Variants in DDX21 observed in about 807,000 individuals in gnomAD.
DDX21 encodes the protein nucleolar RNA helicase 2.
In DDX21, 18 loss-of-function variants were observed where a neutral mutation model predicts 90.0. That is an observed-to-expected ratio of 0.20 (90% confidence interval 0.14 to 0.30). DDX21 has a LOEUF of 0.30. Ranked by LOEUF, DDX21 falls within the 10% of genes least tolerant of loss-of-function variation. The pLI is 1.00. For synonymous variants in DDX21, 294 were observed against 318.0 expected (o/e 0.92, Z 0.80); for missense variants, 673 against 944.5 (o/e 0.71, Z 3.77).
intron 13 of DDX21, among the ~76,000 whole-genome samples, chr10:68,980,675 C>T (rs1170801336): frequency 2.0e-5 from 3 of 152,096 alleles, no homozygotes; most frequent in South Asian, 2.1e-4. Flanking sequence ...TATTTTTAGA[C>T]GATTTCCTTG....
intron 1 of DDX21, chr10:68,956,632 A>G (rs2132076069): frequency 8.4e-7 from 1 of 1,192,184 alleles, no homozygotes; most frequent in Middle Eastern, 3.6e-4. Context: ...GTCCCCGGCG[A>G]CTTGGGCGCG....
At position 68,982,728 on chromosome 10, in the gene DDX21, A is replaced by T. The variant is rs1843210532; in HGVS notation, c.2268A>T (p.Gly756=). Residue 756 remains glycine (G), a synonymous_variant, in exon 15 of 15, where the codon GGA becomes GGT. Transcript: ENST00000354185. ...GGGAAGGCAGTAGAGGCCCGAGAGG[A>T]CAGCGATCAGGAGGTGGCAACAAAA... ...GQREGSRGPR[G]QRSGGGNKSN... The T allele has an allele frequency of 6.2e-7, 1 of 1,614,082 alleles. No homozygotes were observed. The highest frequency in any genetic ancestry group is 8.5e-7 in the Non-Finnish European group (1 of 1,180,038).
Position 68,978,823 on chromosome 10 carries a change from T to C in DDX21, c.1903-19T>C. On this transcript the variant is annotated intron_variant, in intron 12 of 14. Coordinates refer to ENST00000354185, the MANE Select transcript of DDX21 (RefSeq NM_004728.4). ...TATTTTCAGCACTTTAATTTTATTC[T>C]CCTTTCTTGTGTTGTAAGGGTTTTG... The C allele has an allele frequency of 6.3e-7, 1 of 1,592,534 alleles. No homozygotes were observed. Among genetic ancestry groups the C allele is most frequent in the Non-Finnish European group, 8.6e-7 (1 of 1,167,340 alleles).
intron 1 of DDX21, among the ~76,000 whole-genome samples, chr10:68,957,250 T>C (rs957327885): frequency 2.0e-5 from 3 of 152,196 alleles, no homozygotes; most frequent in Non-Finnish European, 2.9e-5. Flanking sequence ...ATGAGTTGAC[T>C]GGATTTCCCA....
At chr10:68,964,223 C>CAA (rs1842910045) in intron 4 of DDX21, 1 of 317,846 alleles carries the variant, frequency 3.1e-6, no homozygotes, top group South Asian at 2.5e-5. Context: ...TGACATTTAA[C>CAA]AAACATTAAC....
intron 9 of DDX21, among the ~76,000 whole-genome samples, chr10:68,972,338 G>A (rs1843037399): frequency 6.6e-6 from 1 of 152,104 alleles, no homozygotes; most frequent in Admixed American, 6.6e-5. Flanking sequence ...GATGGGATAG[G>A]GGTAAGTAAG....
At chr10:68,960,776 A>AC in intron 2 of DDX21, among the ~76,000 whole-genome samples, 1 of 6,486 alleles carries the variant, frequency 1.5e-4, no homozygotes, top group Non-Finnish European at 2.8e-4. Context: ...TCTGTCTTTA[A>AC]AAAAAAAAAA....
intron 13 of DDX21, among the ~76,000 whole-genome samples, chr10:68,980,696 A>G (rs1432363593): frequency 6.6e-6 from 1 of 152,066 alleles, no homozygotes; most frequent in Non-Finnish European, 1.5e-5. Flanking sequence ...ATTGGAGAGG[A>G]TGGCACTTAA....
Position 68,981,556 on chromosome 10 carries a change from C to G in DDX21, c.2057C>G (p.Pro686Arg). ...TTCTAGGGTGTTTGCTTTGATGTAC[C>G]TACCGCATCAGTAACAGAAATACAG... ...KGKLGVCFDV[P>R]TASVTEIQEK... Residue 686 changes from proline to arginine, a missense_variant, in exon 14 of 15, where the codon CCT becomes CGT. Coordinates refer to ENST00000354185, the MANE Select transcript of DDX21 (RefSeq NM_004728.4). 1.9e-6 allele frequency: 3 copies of G among 1,612,728 alleles called. No homozygotes were observed. Among genetic ancestry groups the G allele is most frequent in the Non-Finnish European group, 2.5e-6 (3 of 1,179,592 alleles).
chr10:68,960,264 C>T lies in DDX21; in HGVS notation c.531+15C>T, dbSNP rs1485394629. 5 of 1,579,912 alleles carry T rather than the reference C, an allele frequency of 3.2e-6. No individual in the cohort carries two copies. The highest frequency in any genetic ancestry group is 4.3e-6 in the Non-Finnish European group (5 of 1,168,204). On this transcript the variant is annotated intron_variant, in intron 2 of 14. Coordinates refer to ENST00000354185, the MANE Select transcript of DDX21 (RefSeq NM_004728.4). ...AGATAGAGCAGGTACATTTGCACTT[C>T]ATTGGGTAGAAGATATCTTTCATTG...
chr10:68,957,090 G>T (rs1842809026), intron 1 of DDX21, among the ~76,000 whole-genome samples: 1 of 151,970 alleles, frequency 6.6e-6, no homozygotes, highest in African/African-American at 2.4e-5. Flanking sequence ...GACTGGAGAG[G>T]TCTTAACTTC....
At chr10:68,964,049 G>A (rs982720044) in intron 4 of DDX21, 3 of 325,692 alleles carry the variant, frequency 9.2e-6, no homozygotes, top group Non-Finnish European at 1.8e-5. Flanking sequence ...GCAGTGAGCC[G>A]AGATGCACCA....
intron 3 of DDX21, 121 bp from the exon 4 acceptor site, chr10:68,963,170 C>A: frequency 9.8e-7 from 1 of 1,022,282 alleles, no homozygotes; most frequent in Non-Finnish European, 1.4e-6. Context: ...TAGATGTTGA[C>A]CAGAAGGTAG....
At chr10:68,981,391 G>T in intron 13 of DDX21, 146 bp from the exon 14 acceptor site, 1 of 712,226 alleles carries the variant, frequency 1.4e-6, no homozygotes, top group Non-Finnish European at 2.4e-6. Flanking sequence ...TATTAGCTTT[G>T]GTCTAAAGTT....
At chr10:68,959,772 C>T (rs1311708152) in intron 1 of DDX21, 34 bp from the exon 2 acceptor site, 3 of 1,409,666 alleles carry the variant, frequency 2.1e-6, no homozygotes, top group Non-Finnish European at 2.8e-6. Flanking sequence ...ATGCCTTATT[C>T]AGTGTTTGTA....
chr10:68,965,777 T>C (rs1046675679), intron 5 of DDX21, among the ~76,000 whole-genome samples: 4 of 151,320 alleles, frequency 2.6e-5, no homozygotes, highest in African/African-American at 9.8e-5. Context: ...CTCTAGGAAA[T>C]AGGAAGTCAG....
In DDX21 at chr10:68,983,041, T is replaced by A; in HGVS notation, c.*229T>A. ...TCAGTTTTTCCTTTTGAAAGGTGTA[T>A]GAATTCATTACATTTTTATTCTAAT... On this transcript the variant is annotated 3_prime_UTR_variant, in exon 15 of 15. Coordinates refer to ENST00000354185, the MANE Select transcript of DDX21 (RefSeq NM_004728.4). The A allele has an allele frequency of 1.7e-6, 1 of 595,572 alleles. No individual in the cohort carries two copies. The highest frequency in any genetic ancestry group is 2.9e-6 in the Non-Finnish European group (1 of 345,962). The allele number at this position is 595,572 out of a possible 1,614,324, so 36.9% of individuals were successfully genotyped here. A position where few individuals can be genotyped will look rare whatever the true frequency, so the allele number is the denominator to read the frequency against.
At chr10:68,963,227 T>C in intron 3 of DDX21, 64 bp from the exon 4 acceptor site, 1 of 1,490,600 alleles carries the variant, frequency 6.7e-7, no homozygotes, top group Non-Finnish European at 9.1e-7. Context: ...TATACTTCAG[T>C]ATGTCAGTAT....
chr10:68,978,923 G>C lies in DDX21; in HGVS notation c.1984G>C (p.Gly662Arg). ...TTGGAAAGAACTTAAAGAGCAGCTGGGCGAGGAGATTGATTCCAAAGTGAA... is the reference window on the plus strand; with the variant it reads ...TTGGAAAGAACTTAAAGAGCAGCTGCGCGAGGAGATTGATTCCAAAGTGAA... Reference protein sequence around the residue: ...YAWKELKEQLGEEIDSKVKGM... With the variant: ...YAWKELKEQLREEIDSKVKGM... The change falls in exon 13 of 15, where the codon GGC (glycine) becomes CGC (arginine). Residue 662 changes from glycine (G) to arginine (R), a missense_variant. Around this residue, in one of 4 missense-constraint regions of DDX21, gnomAD observed 225 missense variants for 298.8 expected, o/e 0.75. Coordinates refer to ENST00000354185, the MANE Select transcript of DDX21 (RefSeq NM_004728.4). The C allele has an allele frequency of 6.2e-7, 1 of 1,614,152 alleles. No homozygotes were observed. Among genetic ancestry groups the C allele is most frequent in the Non-Finnish European group, 8.5e-7 (1 of 1,180,010 alleles).
Sources: gnomAD v4.1 joint callset for allele counts (sites outside exome capture counted in the v4.1 genomes callset) on GRCh38, gnomAD v4.1.1 for gene constraint, gnomAD v4.1.1 regional missense constraint, MANE v1.5 for transcripts, NCBI Gene and HGNC (gene_info 2026-07-23, HGNC 2026-07-21) for gene names.